CCNY: variants seen among roughly 807,000 people sequenced by gnomAD.
CCNY encodes cyclin Y.
In CCNY, 19 loss-of-function variants were observed where a neutral mutation model predicts 42.8. That is an observed-to-expected ratio of 0.44 (90% confidence interval 0.31 to 0.65). The LOEUF (loss-of-function observed/expected upper bound fraction) is 0.65. Among genes scored for constraint, CCNY ranks in the 30% least tolerant of loss-of-function variants. The pLI, the probability that CCNY is intolerant of heterozygous loss-of-function variation, is 0.07. For missense variants in CCNY, 370 were observed against 437.3 expected (o/e 0.85, Z 1.37); for synonymous variants, 165 against 162.7 (o/e 1.01, Z -0.11).
chr10:35,531,279 T>G (rs756865382), intron 7 of CCNY, among the ~76,000 whole-genome samples: 4 of 152,198 alleles, frequency 2.6e-5, no homozygotes, highest in Admixed American at 6.5e-5. Context: ...GAGACAATTG[T>G]CTAGTAGAAG....
intron 1 of CCNY, among the ~76,000 whole-genome samples, chr10:35,394,092 A>G (rs1027649325): frequency 1.4e-4 from 21 of 152,182 alleles, no homozygotes; most frequent in Non-Finnish European, 4.4e-5. Context: ...GCTCCGTGCA[A>G]CTTATGTTTC....
intron 7 of CCNY, among the ~76,000 whole-genome samples, chr10:35,532,881 G>A (rs1012781351): frequency 1.3e-5 from 2 of 152,224 alleles, no homozygotes; most frequent in African/African-American, 4.8e-5. Context: ...GGGATCTTCT[G>A]TTGGAAGGAT....
chr10:35,380,696 A>C (rs1374609618), intron 1 of CCNY, among the ~76,000 whole-genome samples: 1 of 152,124 alleles, frequency 6.6e-6, no homozygotes, highest in Admixed American at 6.5e-5. Flanking sequence ...TGAAGATGAG[A>C]AAACTGACAG....
chr10:35,505,145 C>A (rs1589165100), intron 3 of CCNY, among the ~76,000 whole-genome samples: 1 of 148,194 alleles, frequency 6.7e-6, no homozygotes, highest in African/African-American at 2.5e-5. Flanking sequence ...TTAAGAATCA[C>A]TCCTGAAAAA....
At chr10:35,369,537 G>T (rs896419284) in intron 1 of CCNY, among the ~76,000 whole-genome samples, 4 of 152,148 alleles carry the variant, frequency 2.6e-5, no homozygotes, top group African/African-American at 9.7e-5. Flanking sequence ...TAAATTAAGA[G>T]AATACATTCT....
At chr10:35,323,705 G>A (rs762504738) in intron 3 of CCNY, among the ~76,000 whole-genome samples, 36 of 152,084 alleles carry the variant, frequency 2.4e-4, no homozygotes, top group Non-Finnish European at 4.4e-4. Context: ...GGTTACATGC[G>A]TATATTACTT....
intron 1 of CCNY, among the ~76,000 whole-genome samples, chr10:35,434,501 T>C (rs3003980): frequency 0.43 from 64,749 of 152,024 alleles, 14,776 homozygotes; most frequent in African/African-American, 0.59. Flanking sequence ...GAGACTTGCA[T>C]TATTTGACAA....
At chr10:35,435,322 A>G (rs902176023) in intron 1 of CCNY, among the ~76,000 whole-genome samples, 4 of 152,226 alleles carry the variant, frequency 2.6e-5, no homozygotes, top group African/African-American at 9.6e-5. Flanking sequence ...TGTTCTACCT[A>G]TGGACAGGCT....
chr10:35,259,892 C>CTT (rs34394998), intron 3 of CCNY, among the ~76,000 whole-genome samples: 8 of 145,860 alleles, frequency 5.5e-5, no homozygotes, highest in Admixed American at 1.4e-4. Flanking sequence ...AAACAACATA[C>CTT]TTTTTTTTTT....
chr10:35,386,499 A>T (rs750404452), intron 1 of CCNY, among the ~76,000 whole-genome samples: 1 of 152,188 alleles, frequency 6.6e-6, no homozygotes, highest in Non-Finnish European at 1.5e-5. Context: ...AGTTTATTGT[A>T]TATAAGCAGT....
intron 1 of CCNY, among the ~76,000 whole-genome samples, chr10:35,427,351 C>A (rs760428602): frequency 2.0e-5 from 3 of 152,212 alleles, no homozygotes; most frequent in Non-Finnish European, 4.4e-5. Flanking sequence ...TCTGTCCTGC[C>A]TGAGTCCATC....
chr10:35,479,823 A>G (rs531460290), intron 1 of CCNY, among the ~76,000 whole-genome samples: 1 of 152,214 alleles, frequency 6.6e-6, no homozygotes, highest in South Asian at 2.1e-4. Context: ...TTCCAGATGT[A>G]TTCTACCTCA....
At chr10:35,419,671 A>G (rs1589108817) in intron 1 of CCNY, among the ~76,000 whole-genome samples, 1 of 152,146 alleles carries the variant, frequency 6.6e-6, no homozygotes, top group South Asian at 2.1e-4. Context: ...TTGCATATCA[A>G]CTCATTTGAT....
chr10:35,551,063 T>C (rs1417146419), intron 7 of CCNY, among the ~76,000 whole-genome samples: 1 of 152,068 alleles, frequency 6.6e-6, no homozygotes, highest in Non-Finnish European at 1.5e-5. Context: ...CAGTGCACCC[T>C]GTCCCAGAGA....
Position 35,259,537 on chromosome 10 carries a change from C to G in CCNY, c.-9+8911C>G, listed in dbSNP as rs191062300. Among the ~76,000 whole-genome samples, 763 of 118,882 alleles carry G rather than the reference C, an allele frequency of 6.4e-3. 2 individuals carry two copies. The highest frequency in any genetic ancestry group is 0.023 in the African/African-American group (716 of 31,324). 78.0% of individuals were successfully genotyped at this position (118,882 alleles called of 152,430 possible). A position where few individuals can be genotyped will look rare whatever the true frequency, so the allele number is the denominator to read the frequency against. ...TTTTTTTTTGAGACAGAGTCTTGCT[C>G]TGTCACCCAGGCTGGAGTGCAGTGG... On this transcript the variant is annotated intron_variant, in intron 3 of 11. Coordinates refer to the CCNY transcript ENST00000374706.
At chr10:35,540,773 C>T (rs2135435199) in intron 7 of CCNY, among the ~76,000 whole-genome samples, 1 of 152,272 alleles carries the variant, frequency 6.6e-6, no homozygotes, top group African/African-American at 2.4e-5. Flanking sequence ...GGAATTTGTG[C>T]ATTTCATCAG....
chr10:35,348,604 G>A lies in CCNY; in HGVS notation c.154+11397G>A, dbSNP rs116472232. Reference sequence around the variant, plus strand: ...GCAGAGAATATGAGCAGGAGCCCCCGTCCAGGGTGGGATGAGTCAGGGAGG... The same window carrying A: ...GCAGAGAATATGAGCAGGAGCCCCCATCCAGGGTGGGATGAGTCAGGGAGG... On this transcript the variant is annotated intron_variant, in intron 1 of 9. Transcript: ENST00000374704. 6.8e-3 allele frequency among the ~76,000 whole-genome samples: 1,033 copies of A among 152,366 alleles called. 11 individuals are homozygous for A. The highest frequency in any genetic ancestry group is 0.024 in the African/African-American group (986 of 41,586).
chr10:35,369,505 A>G (rs960245388), intron 1 of CCNY, among the ~76,000 whole-genome samples: 1 of 152,208 alleles, frequency 6.6e-6, no homozygotes, highest in South Asian at 2.1e-4. Flanking sequence ...TCAACTTTTT[A>G]TGGGTAAGAG....
chr10:35,465,714 C>G (rs1439018347), intron 1 of CCNY, among the ~76,000 whole-genome samples: 1 of 152,144 alleles, frequency 6.6e-6, no homozygotes, highest in Non-Finnish European at 1.5e-5. Context: ...CCTCTTCCTT[C>G]TAGCTGAGAT....
Sources: allele counts gnomAD v4.1 joint callset (sites outside exome capture counted in the v4.1 genomes callset), GRCh38; gene constraint gnomAD v4.1.1; transcripts MANE v1.5; gene names NCBI Gene and HGNC (gene_info 2026-07-23, HGNC 2026-07-21).